The following CNTNAP2 variants were observed in gnomAD, a reference collection of about 807,000 sequenced individuals.
CNTNAP2 encodes the protein contactin-associated protein-like 2.
CNTNAP2 carries 98 observed loss-of-function variants against 155.2 expected under a neutral mutation model. That is an observed-to-expected ratio of 0.63 (90% confidence interval 0.54 to 0.75). The LOEUF is 0.75. CNTNAP2 is among the 30% of genes least tolerant of loss of function. The pLI is 0.00. For missense variants in CNTNAP2, 1,727 were observed against 1,688.1 expected, an observed-to-expected ratio of 1.02 and a Z score of -0.40; for synonymous variants, 651 against 631.2, an observed-to-expected ratio of 1.03 and a Z score of -0.47.
At position 148,383,811 on chromosome 7, in the gene CNTNAP2, A is replaced by T. The variant is rs999283315; in HGVS notation, c.3638A>T (p.Asn1213Ile). Reference protein sequence around the residue: ...VHIQGELVESNCGASPLTLSP... With the variant: ...VHIQGELVESICGASPLTLSP... Reference sequence around the variant, plus strand: ...ATCCAGGGCGAGCTGGTGGAGTCCAACTGCGGGGCCTCGCCGCTGACCCTC... The same window carrying T: ...ATCCAGGGCGAGCTGGTGGAGTCCATCTGCGGGGCCTCGCCGCTGACCCTC... The change falls in exon 22 of 24, where the codon AAC becomes ATC. Residue 1213 changes from asparagine to isoleucine, a missense_variant. Asn to Ile is a moderately radical substitution (Grantham distance 149). Coordinates refer to ENST00000361727, the MANE Select transcript of CNTNAP2 (RefSeq NM_014141.6). 1.2e-6 allele frequency: 2 copies of T among 1,614,114 alleles called. No individual in the cohort carries two copies. The highest frequency in any genetic ancestry group is 1.7e-6 in the Non-Finnish European group (2 of 1,180,020).
At chr7:148,260,124 C>A (rs569904570) in intron 20 of CNTNAP2, among the ~76,000 whole-genome samples, 30 of 152,274 alleles carry the variant, frequency 2.0e-4, no homozygotes, top group Non-Finnish European at 3.2e-4. Flanking sequence ...CGAGTGAAAT[C>A]ATATAATATG....
Position 146,673,832 on chromosome 7 carries a change from C to T in CNTNAP2, c.98-100439C>T, listed in dbSNP as rs115284485. 3.6e-3 allele frequency among the ~76,000 whole-genome samples: 550 copies of T among 152,244 alleles called. 1 individual carries two copies. Among genetic ancestry groups the T allele is most frequent in the African/African-American group, 0.013 (528 of 41,544 alleles). On this transcript the variant is annotated intron_variant, in intron 1 of 23. Transcript: ENST00000361727. ...TAGTGGCTTCAAGAGATCTTCCCACCCCAGCCTCCCAAAGTGCTGGGGTTA... is the reference window on the plus strand; with the variant it reads ...TAGTGGCTTCAAGAGATCTTCCCACTCCAGCCTCCCAAAGTGCTGGGGTTA...
At chr7:146,621,730 TGTTA>T (rs1257145978) in intron 1 of CNTNAP2, among the ~76,000 whole-genome samples, 1 of 152,162 alleles carries the variant, frequency 6.6e-6, no homozygotes, top group Non-Finnish European at 1.5e-5. Context: ...AAGTAGGATT[TGTTA>T]GTTTTCTCTA....
chr7:148,081,428 G>T (rs1803601063), intron 15 of CNTNAP2, among the ~76,000 whole-genome samples: 1 of 152,032 alleles, frequency 6.6e-6, no homozygotes, highest in East Asian at 1.9e-4. Flanking sequence ...CTAATCGGCT[G>T]CCAGCACGGC....
chr7:147,821,715 A>C (rs139171101), intron 13 of CNTNAP2, among the ~76,000 whole-genome samples: 64 of 152,236 alleles, frequency 4.2e-4, no homozygotes, highest in African/African-American at 1.5e-3. Context: ...GAAGAGAAAC[A>C]GGAAAGAAGG....
intron 15 of CNTNAP2, among the ~76,000 whole-genome samples, chr7:148,080,837 G>C (rs1486147630): frequency 6.6e-6 from 1 of 152,268 alleles, no homozygotes; most frequent in South Asian, 2.1e-4. Flanking sequence ...TGGGGATCTT[G>C]TTTGCAGATG....
At chr7:148,074,789 C>A (rs1035125985) in intron 15 of CNTNAP2, among the ~76,000 whole-genome samples, 5 of 151,932 alleles carry the variant, frequency 3.3e-5, no homozygotes, top group African/African-American at 1.2e-4. Context: ...TGTGAGACAC[C>A]TACTCTTAGC....
chr7:147,476,464 AGT>A (rs1250305204), intron 10 of CNTNAP2, among the ~76,000 whole-genome samples: 5 of 150,284 alleles, frequency 3.3e-5, no homozygotes, highest in African/African-American at 9.7e-5. Flanking sequence ...TCCCGTTAGT[AGT>A]GTTTGTGGTT....
At chr7:148,261,691 G>A (rs1030452798) in intron 20 of CNTNAP2, among the ~76,000 whole-genome samples, 2 of 152,172 alleles carry the variant, frequency 1.3e-5, no homozygotes, top group Non-Finnish European at 2.9e-5. Context: ...TAGCAATGGC[G>A]GTGGGGGTGA....
chr7:146,440,277 T>C (rs1235870601), intron 1 of CNTNAP2, among the ~76,000 whole-genome samples: 1 of 151,762 alleles, frequency 6.6e-6, no homozygotes, highest in Admixed American at 6.6e-5. Context: ...TGAAGATGAG[T>C]ACTTTTAAAA....
At chr7:146,921,267 T>A (rs536645102) in intron 3 of CNTNAP2, among the ~76,000 whole-genome samples, 1 of 152,210 alleles carries the variant, frequency 6.6e-6, no homozygotes, top group South Asian at 2.1e-4. Flanking sequence ...AGGGTACATT[T>A]TTACTATAAA....
At chr7:146,953,253 A>G (rs2129228464) in intron 3 of CNTNAP2, among the ~76,000 whole-genome samples, 1 of 152,098 alleles carries the variant, frequency 6.6e-6, no homozygotes, top group Middle Eastern at 3.4e-3. Context: ...CAAAGAACCA[A>G]TACTATTTTA....
intron 8 of CNTNAP2, among the ~76,000 whole-genome samples, chr7:147,198,293 G>A (rs2116541761): frequency 7.6e-6 from 1 of 131,710 alleles, no homozygotes; most frequent in East Asian, 2.5e-4. Context: ...GTGCAATGGT[G>A]TGATCTCGGC....
intron 13 of CNTNAP2, among the ~76,000 whole-genome samples, chr7:147,726,841 G>C (rs1796652094): frequency 6.6e-6 from 1 of 151,928 alleles, no homozygotes; most frequent in Non-Finnish European, 1.5e-5. Context: ...GGTCAGACTT[G>C]CTTCAGCCTC....
chr7:146,665,852 TTG>T (rs1205522461), intron 1 of CNTNAP2, among the ~76,000 whole-genome samples: 1 of 150,030 alleles, frequency 6.7e-6, no homozygotes. Context: ...TAAAATTATA[TTG>T]TCTTAAACTG....
intron 15 of CNTNAP2, among the ~76,000 whole-genome samples, chr7:148,078,994 T>C (rs1803547626): frequency 6.6e-6 from 1 of 152,300 alleles, no homozygotes; most frequent in East Asian, 1.9e-4. Flanking sequence ...TTTCTAGTGA[T>C]TGAATGGTGG....
chr7:148,210,356 C>A (rs975980071), intron 18 of CNTNAP2, among the ~76,000 whole-genome samples: 2 of 152,148 alleles, frequency 1.3e-5, no homozygotes, highest in African/African-American at 4.8e-5. Flanking sequence ...ACCTGTTGAC[C>A]ACCATGCACA....
intron 9 of CNTNAP2, among the ~76,000 whole-genome samples, chr7:147,375,519 GA>G (rs1796419755): frequency 6.6e-6 from 1 of 152,048 alleles, no homozygotes; most frequent in Non-Finnish European, 1.5e-5. Context: ...GGGAGGAACA[GA>G]AGGTTACATG....
intron 21 of CNTNAP2, among the ~76,000 whole-genome samples, chr7:148,319,552 C>T (rs1797753551): frequency 6.6e-6 from 1 of 152,196 alleles, no homozygotes; most frequent in South Asian, 2.1e-4. Flanking sequence ...AGGTGAATGG[C>T]AGACACGCAA....
Sources: gnomAD v4.1 joint callset for allele counts (sites outside exome capture counted in the v4.1 genomes callset) on GRCh38, gnomAD v4.1.1 for gene constraint, MANE v1.5 for transcripts, NCBI Gene and HGNC (gene_info 2026-07-23, HGNC 2026-07-21) for gene names.